The following TCF7L2 variants were observed in gnomAD, a reference collection of about 807,000 sequenced individuals.
TCF7L2 encodes the protein transcription factor 7-like 2.
TCF7L2 carries 23 observed loss-of-function variants against 77.9 expected under a neutral mutation model. The observed-to-expected ratio is 0.30, with a 90% CI of 0.21 to 0.42. The LOEUF (loss-of-function observed/expected upper bound fraction) is 0.42. Ranked by LOEUF, TCF7L2 falls within the 10% of genes least tolerant of loss-of-function variation. TCF7L2 has a pLI of 1.00. For missense variants in TCF7L2, 654 were observed against 793.1 expected (o/e 0.82, Z 2.11); for synonymous variants, 413 against 340.2 (o/e 1.21, Z -2.36).
intron 4 of TCF7L2, among the ~76,000 whole-genome samples, chr10:113,011,148 G>A (rs2046385551): frequency 6.6e-6 from 1 of 152,228 alleles, no homozygotes; most frequent in Non-Finnish European, 1.5e-5. Context: ...GAGGGGAGGA[G>A]TGGTTCCTGG....
intron 5 of TCF7L2, among the ~76,000 whole-genome samples, chr10:113,102,423 GTTTGT>G (rs2061769425): frequency 6.8e-6 from 1 of 148,064 alleles, no homozygotes; most frequent in African/African-American, 2.5e-5. Context: ...GTTGTTGTTT[GTTTGT>G]TTTTTTTTTT....
chr10:113,119,809 C>G (rs1248216497), intron 5 of TCF7L2, among the ~76,000 whole-genome samples: 1 of 152,120 alleles, frequency 6.6e-6, no homozygotes, highest in Non-Finnish European at 1.5e-5. Flanking sequence ...TGATTATCTT[C>G]TGGCCTTTAG....
At chr10:113,078,580 A>G (rs1332293161) in intron 5 of TCF7L2, among the ~76,000 whole-genome samples, 2 of 151,918 alleles carry the variant, frequency 1.3e-5, no homozygotes, top group Non-Finnish European at 2.9e-5. Flanking sequence ...GGGTCTCACT[A>G]TAGGCTGGTC....
At chr10:113,098,592 G>T (rs533661392) in intron 5 of TCF7L2, among the ~76,000 whole-genome samples, 1 of 152,178 alleles carries the variant, frequency 6.6e-6, no homozygotes, top group South Asian at 2.1e-4. Flanking sequence ...TGTAGTCCCA[G>T]CTACTCAGGA....
intron 5 of TCF7L2, among the ~76,000 whole-genome samples, chr10:113,103,862 G>A (rs1221340632): frequency 6.6e-6 from 1 of 152,162 alleles, no homozygotes; most frequent in African/African-American, 2.4e-5. Context: ...TCCATTATAT[G>A]GACAGAGTCA....
chr10:113,114,763 T>G (rs2063523709), intron 5 of TCF7L2, among the ~76,000 whole-genome samples: 1 of 152,232 alleles, frequency 6.6e-6, no homozygotes, highest in Admixed American at 6.5e-5. Flanking sequence ...TTTCAAGGCC[T>G]AGACTGAGAG....
chr10:113,118,520 G>GTGTGTGTGTGTGTGTGTGTGTGT (rs1555084612), intron 5 of TCF7L2, among the ~76,000 whole-genome samples: 5 of 141,442 alleles, frequency 3.5e-5, no homozygotes, highest in South Asian at 2.5e-4. Flanking sequence ...TCATCTGGGG[G>GTGTGTGTGTGTGTGTGTGTGTGT]GTGTGTGTGT....
At chr10:113,013,216 T>C (rs1247487824) in intron 4 of TCF7L2, among the ~76,000 whole-genome samples, 1 of 148,474 alleles carries the variant, frequency 6.7e-6, no homozygotes, top group African/African-American at 2.5e-5. Context: ...CCTCCCAGGT[T>C]CAAGCGATTC....
In TCF7L2 at chr10:113,070,084, C is replaced by T. The variant is rs554857310; in HGVS notation, c.552+29958C>T. On this transcript the variant is annotated intron_variant, in intron 5 of 13. Transcript: ENST00000627217. ...CAGCCTGGCCAACATGGTGAAACCCCGTCTCTATTAAAAATACAAAAATCA... is the reference window on the plus strand; with the variant it reads ...CAGCCTGGCCAACATGGTGAAACCCTGTCTCTATTAAAAATACAAAAATCA... Among the ~76,000 whole-genome samples, 137 of 151,476 alleles carry T rather than the reference C, an allele frequency of 9.0e-4. 1 individual carries two copies. The highest frequency in any genetic ancestry group is 1.4e-3 in the Non-Finnish European group (92 of 67,894).
chr10:112,964,819 G>GCGC, intron 4 of TCF7L2, among the ~76,000 whole-genome samples, 195 bp downstream of exon 4: 1 of 138,690 alleles, frequency 7.2e-6, no homozygotes, highest in South Asian at 2.7e-4. Flanking sequence ...TGGTGGGGGG[G>GCGC]GGTTGAATCA....
intron 5 of TCF7L2, among the ~76,000 whole-genome samples, chr10:113,074,564 C>T (rs1315617132): frequency 3.3e-5 from 5 of 152,150 alleles, no homozygotes; most frequent in African/African-American, 7.2e-5. Flanking sequence ...ACACTGCTGA[C>T]GGCTGCACAC....
intron 5 of TCF7L2, among the ~76,000 whole-genome samples, chr10:113,117,426 TC>T (rs2063957177): frequency 7.0e-4 from 25 of 35,918 alleles, no homozygotes; most frequent in African/African-American, 1.3e-3. Context: ...TCTCTCTCTC[TC>T]TCTCTCCCTC....
intron 3 of TCF7L2, among the ~76,000 whole-genome samples, chr10:112,955,912 A>G (rs2033436434): frequency 6.6e-6 from 1 of 152,046 alleles, no homozygotes; most frequent in East Asian, 1.9e-4. Flanking sequence ...AGATTACAGT[A>G]GAAGTCTTTC....
intron 3 of TCF7L2, among the ~76,000 whole-genome samples, chr10:112,954,902 C>A (rs2033100837): frequency 6.6e-6 from 1 of 152,116 alleles, no homozygotes. Flanking sequence ...CATTTTTGAA[C>A]TTGGAATCCA....
At chr10:113,027,761 T>A (rs2049450451) in intron 4 of TCF7L2, among the ~76,000 whole-genome samples, 1 of 152,012 alleles carries the variant, frequency 6.6e-6, no homozygotes, top group Non-Finnish European at 1.5e-5. Flanking sequence ...CCCTCCTTCC[T>A]CCCTCTCCTC....
intron 4 of TCF7L2, among the ~76,000 whole-genome samples, chr10:112,985,198 T>C (rs1360903034): frequency 6.6e-6 from 1 of 152,190 alleles, no homozygotes. Context: ...TTTGGTTCCT[T>C]TCACTTCTAG....
chr10:113,068,406 G>T (rs530386095), intron 5 of TCF7L2, among the ~76,000 whole-genome samples: 1 of 152,190 alleles, frequency 6.6e-6, no homozygotes, highest in Non-Finnish European at 1.5e-5. Flanking sequence ...AGAAGCCCTC[G>T]TGAGCAAGCC....
chr10:112,968,601 C>T (rs1452499767), intron 4 of TCF7L2, among the ~76,000 whole-genome samples: 6 of 151,852 alleles, frequency 4.0e-5, no homozygotes, highest in South Asian at 2.1e-4. Flanking sequence ...TTTTTTGAAA[C>T]GGATTCTCAT....
chr10:113,098,431 G>C lies in TCF7L2; in HGVS notation c.553-42753G>C, dbSNP rs953816653. On this transcript the variant is annotated intron_variant, in intron 5 of 13. Coordinates refer to ENST00000627217, the MANE Select transcript of TCF7L2 (RefSeq NM_001146274.2). Reference sequence around the variant, plus strand: ...TTTAAAAAATTGTATTTTAGGCCGGGCTCGGTGGCTCACGCCTGTAATCCC... The same window carrying C: ...TTTAAAAAATTGTATTTTAGGCCGGCCTCGGTGGCTCACGCCTGTAATCCC... 3.9e-5 allele frequency among the ~76,000 whole-genome samples: 6 copies of C among 152,094 alleles called. No homozygotes were observed. In the East Asian group the frequency reaches 9.6e-4, roughly 24 times the overall value.
Sources: gnomAD v4.1 joint callset for allele counts (sites outside exome capture counted in the v4.1 genomes callset) on GRCh38, gnomAD v4.1.1 for gene constraint, MANE v1.5 for transcripts, NCBI Gene and HGNC (gene_info 2026-07-23, HGNC 2026-07-21) for gene names.